EP400: variants seen among roughly 807,000 people sequenced by gnomAD.
EP400 encodes E1A binding protein p400.
In EP400, 105 loss-of-function variants were observed where a neutral mutation model predicts 354.1. The observed-to-expected ratio is 0.30, with a 90% CI of 0.25 to 0.35. EP400 has a LOEUF of 0.35. Ranked by LOEUF, EP400 falls within the 10% of genes least tolerant of loss-of-function variation. The pLI is 1.00. For missense variants in EP400, 3,280 were observed against 4,121.0 expected, an observed-to-expected ratio of 0.80 and a Z score of 5.59; for synonymous variants, 1,646 against 1,716.9, an observed-to-expected ratio of 0.96 and a Z score of 1.02.
At position 132,077,138 on chromosome 12, in the gene EP400, A is replaced by G. The variant is rs143015059; in HGVS notation, c.9100-263A>G. Among the ~76,000 whole-genome samples, 892 of 152,372 alleles carry G rather than the reference A, an allele frequency of 5.9e-3. 17 individuals are homozygous for G. The South Asian group carries it at 0.06, about 10-fold the overall frequency. ...ACTCTATTAAAAGCTTTACTACAAC[A>G]ACAAAATCAGTCCCTGACCCAGCTC... On this transcript the variant is annotated intron_variant, in intron 52 of 52. Transcript: ENST00000389561.
chr12:132,049,742 G>T (rs553192988), intron 39 of EP400, among the ~76,000 whole-genome samples: 1 of 152,196 alleles, frequency 6.6e-6, no homozygotes, highest in Non-Finnish European at 1.5e-5. Context: ...ATAAGGAGTT[G>T]CTTTAAAATT....
chr12:132,066,741 T>C, intron 48 of EP400, 33 bp from the exon 49 acceptor site: 1 of 1,596,186 alleles, frequency 6.3e-7, no homozygotes, highest in South Asian at 1.1e-5. Flanking sequence ...GTCCTGAATT[T>C]CTCTGGACTC....
intron 50 of EP400, 117 bp from the exon 51 acceptor site, chr12:132,069,378 T>G: frequency 6.9e-7 from 1 of 1,454,322 alleles, no homozygotes; most frequent in Non-Finnish European, 9.3e-7. Context: ...AGGGTTGGTC[T>G]GGGAGGTAGG....
chr12:132,014,606 C>T (rs1458528050), intron 19 of EP400, among the ~76,000 whole-genome samples: 3 of 152,200 alleles, frequency 2.0e-5, no homozygotes, highest in East Asian at 3.9e-4. Flanking sequence ...TTTATCTGTG[C>T]TTAGTCATCA....
At chr12:132,011,724 A>T (rs1405872979) in intron 16 of EP400, 90 bp downstream of exon 16, 1 of 1,397,552 alleles carries the variant, frequency 7.2e-7, no homozygotes, top group African/African-American at 1.5e-5. Context: ...AGACATGCTT[A>T]TTCATGGAAT....
At chr12:131,974,270 C>T (rs1161295354) in intron 2 of EP400, among the ~76,000 whole-genome samples, 1 of 152,084 alleles carries the variant, frequency 6.6e-6, no homozygotes, top group African/African-American at 2.4e-5. Context: ...TGAGCCACCG[C>T]GCCTGGCCAG....
chr12:132,040,498 T>G (rs1471829920), intron 32 of EP400, among the ~76,000 whole-genome samples: 2 of 152,262 alleles, frequency 1.3e-5, no homozygotes, highest in Non-Finnish European at 2.9e-5. Flanking sequence ...TTTTCCATAT[T>G]GGCTGTGTTG....
chr12:132,059,650 G>A (rs924703816), intron 45 of EP400, among the ~76,000 whole-genome samples: 1 of 152,220 alleles, frequency 6.6e-6, no homozygotes, highest in Admixed American at 6.5e-5. Flanking sequence ...GTGAGAATCA[G>A]CGGAATGACA....
rs988999843 is a variant in EP400 at position 132,052,743 on chromosome 12, G to T, written c.7395-403G>T. Among the ~76,000 whole-genome samples the T allele has an allele frequency of 1.3e-5, 2 of 152,194 alleles. No individual in the cohort carries two copies. The highest frequency in any genetic ancestry group is 4.8e-5 in the African/African-American group (2 of 41,462). On this transcript the variant is annotated intron_variant, in intron 41 of 52. Transcript: ENST00000389561. The surrounding 1 kb of genome is among the most constrained non-coding windows in gnomAD (Gnocchi z 4.4). ...GCGTGGAGCCTGGGCATTCTCGGGG[G>T]AGCGAGAGAGGCACAGTCCCGCCCT...
rs536884642 is a variant in EP400 at position 132,067,120 on chromosome 12, G to A, written c.8749+151G>A. 3.4e-6 allele frequency: 4 copies of A among 1,167,240 alleles called. No homozygotes were observed. The highest frequency in any genetic ancestry group is 3.1e-5 in the Admixed American group (1 of 32,516). 72.3% of individuals were successfully genotyped at this position (1,167,240 alleles called of 1,614,324 possible). Reference sequence around the variant, plus strand: ...TGTTCTAGCACAAACGTGCCTTGGCGCTTTCCAGGCGCAAGGCTGGGTCCT... The same window carrying A: ...TGTTCTAGCACAAACGTGCCTTGGCACTTTCCAGGCGCAAGGCTGGGTCCT... On this transcript the variant is annotated intron_variant, in intron 49 of 52. Transcript: ENST00000389561. This position sits in a 1 kb window ranked among gnomAD's most constrained non-coding sequence, Gnocchi z 5.3.
chr12:131,972,120 A>G (rs1159480063), intron 2 of EP400, among the ~76,000 whole-genome samples: 2 of 151,674 alleles, frequency 1.3e-5, no homozygotes, highest in African/African-American at 4.8e-5. Flanking sequence ...GAAAAAATTC[A>G]GCGTGAGTTT....
intron 39 of EP400, among the ~76,000 whole-genome samples, chr12:132,048,133 A>G (rs1329745813): frequency 1.3e-5 from 2 of 152,160 alleles, no homozygotes; most frequent in African/African-American, 4.8e-5. Context: ...TCTACAAACA[A>G]TTTGTGCAGT....
chr12:131,955,084 A>T (rs1186739798), intron 1 of EP400, among the ~76,000 whole-genome samples: 1 of 152,182 alleles, frequency 6.6e-6, no homozygotes, highest in Admixed American at 6.6e-5. Context: ...GTCGTTAAAA[A>T]TTTTTAAAGT....
intron 5 of EP400, 28 bp downstream of exon 5, chr12:131,982,506 A>G: frequency 1.3e-6 from 2 of 1,565,448 alleles, no homozygotes; most frequent in Non-Finnish European, 1.7e-6. Flanking sequence ...GGAAAAAAAG[A>G]AAATGGTTTG....
chr12:132,062,388 C>T (rs956847137), intron 46 of EP400, 65 bp downstream of exon 46: 1 of 1,610,188 alleles, frequency 6.2e-7, no homozygotes, highest in African/African-American at 1.3e-5. Context: ...GGCTCAGCTG[C>T]TGCTTGCTGT....
intron 7 of EP400, among the ~76,000 whole-genome samples, chr12:131,988,879 T>G (rs1381317112): frequency 6.6e-6 from 1 of 152,182 alleles, no homozygotes; most frequent in Non-Finnish European, 1.5e-5. Flanking sequence ...ACCCAGAATT[T>G]TCCCCCTTGC....
chr12:131,967,491 C>T (rs1892142096), intron 2 of EP400, among the ~76,000 whole-genome samples: 1 of 151,874 alleles, frequency 6.6e-6, no homozygotes, highest in South Asian at 2.1e-4. Flanking sequence ...AGTTCGAGAC[C>T]AGCCTGACCA....
intron 39 of EP400, among the ~76,000 whole-genome samples, chr12:132,049,675 G>A (rs1002955654): frequency 4.6e-5 from 7 of 152,128 alleles, no homozygotes; most frequent in African/African-American, 7.2e-5. Flanking sequence ...TTGACTTGTC[G>A]CTACCTCTGT....
At chr12:132,062,052 G>T in intron 45 of EP400, 58 bp from the exon 46 acceptor site, 1 of 1,482,002 alleles carries the variant, frequency 6.7e-7, no homozygotes, top group Non-Finnish European at 9.3e-7. Flanking sequence ...CTCTGAGTGT[G>T]AACAGCCCTG....
Sources: gnomAD v4.1 joint callset for allele counts (sites outside exome capture counted in the v4.1 genomes callset) on GRCh38, gnomAD v4.1.1 for gene constraint, Gnocchi (gnomAD v3.1) non-coding constraint, MANE v1.5 for transcripts, NCBI Gene and HGNC (gene_info 2026-07-23, HGNC 2026-07-21) for gene names.